Variants in ADAP1 observed in about 807,000 individuals in gnomAD.
The protein encoded by ADAP1 is arf-GAP with dual PH domain-containing protein 1.
In ADAP1, 31 loss-of-function variants were observed where a neutral mutation model predicts 54.9. The ratio of observed to expected loss-of-function variants is 0.56; its 90% CI spans 0.42 to 0.76. The LOEUF is 0.76. Among genes scored for constraint, ADAP1 ranks in the 30% least tolerant of loss-of-function variants. ADAP1 has a pLI of 0.00. For synonymous variants in ADAP1, 313 were observed against 202.6 expected (o/e 1.55, Z -4.63); for missense variants, 535 against 512.4 (o/e 1.04, Z -0.42).
chr7:922,295 G>A (rs948089485), intron 3 of ADAP1, among the ~76,000 whole-genome samples: 2 of 152,168 alleles, frequency 1.3e-5, no homozygotes, highest in African/African-American at 2.4e-5. Flanking sequence ...CAGGCTTCAA[G>A]GACCCCTAGG....
intron 7 of ADAP1, 94 bp from the exon 8 acceptor site, chr7:900,258 G>T: frequency 6.7e-7 from 1 of 1,490,660 alleles, no homozygotes; most frequent in Non-Finnish European, 9.3e-7. Context: ...CTCACCCCGG[G>T]CCACCAGGTC....
chr7:910,633 A>T (rs1045370602), intron 4 of ADAP1, among the ~76,000 whole-genome samples: 1 of 152,220 alleles, frequency 6.6e-6, no homozygotes. Context: ...CACCTCACGT[A>T]TGTGATTTAT....
At chr7:906,800 G>GT (rs1562915778) in intron 4 of ADAP1, among the ~76,000 whole-genome samples, 14,367 of 76,490 alleles carry the variant, frequency 0.19, 1,930 homozygotes, top group South Asian at 0.22. Context: ...ACGGGACAGG[G>GT]GACATGGGGG....
At position 920,111 on chromosome 7, in the gene ADAP1, G is replaced by A. The variant is rs980439878; in HGVS notation, c.306-61C>T. On this transcript the variant is annotated intron_variant, in intron 3 of 10. Transcript: ENST00000265846. This position sits in a 1 kb window ranked among gnomAD's most constrained non-coding sequence, Gnocchi z 4.5. ...GGCGGCCTCCGACCCAGCACACGCC[G>A]CTCTCTGGCCCGGACCCTGGACATC... The A allele has an allele frequency of 6.0e-6, 9 of 1,500,254 alleles. No individual in the cohort carries two copies. The highest frequency in any genetic ancestry group is 4.6e-6 in the Non-Finnish European group (5 of 1,097,476). The allele number at this position is 1,500,254 out of a possible 1,614,324, so 92.9% of individuals were successfully genotyped here. A position where few individuals can be genotyped will look rare whatever the true frequency, so the allele number is the denominator to read the frequency against.
rs1846396238 is a variant in ADAP1, at chr7:926,570, G to A, written c.288C>T (p.Pro96=). The A allele has an allele frequency of 6.5e-7, 1 of 1,540,212 alleles. No individual in the cohort carries two copies. The highest frequency in any genetic ancestry group is 8.7e-7 in the Non-Finnish European group (1 of 1,143,624). The part of the protein sequence containing the change: ...ESKVPSFYYR[P]TPSDCQLLRE... Reference sequence around the variant, plus strand: ...GTACTCACTGGCAGTCGGAGGGCGTGGGCCGGTAGTAGAAGGAGGGTACTT... The same window carrying A: ...GTACTCACTGGCAGTCGGAGGGCGTAGGCCGGTAGTAGAAGGAGGGTACTT... Residue 96 remains proline (P), a synonymous_variant, in exon 3 of 11, where the codon CCC becomes CCT. Coordinates refer to ENST00000265846, the MANE Select transcript of ADAP1 (RefSeq NM_006869.4). This position sits in a 1 kb window ranked among gnomAD's most constrained non-coding sequence, Gnocchi z 4.6.
chr7:950,134 C>T (rs747603427), intron 1 of ADAP1, among the ~76,000 whole-genome samples: 2 of 152,158 alleles, frequency 1.3e-5, no homozygotes, highest in Non-Finnish European at 1.5e-5. Flanking sequence ...TCCCAGCACT[C>T]GCCACAGCAT....
chr7:925,153 C>T (rs922230475), intron 3 of ADAP1, among the ~76,000 whole-genome samples: 1 of 152,028 alleles, frequency 6.6e-6, no homozygotes, highest in African/African-American at 2.4e-5. Flanking sequence ...ACGGGGGCCT[C>T]GTGACCCCAA....
intron 1 of ADAP1, among the ~76,000 whole-genome samples, chr7:942,818 G>GA (rs1338915194): frequency 4.2e-4 from 3 of 7,060 alleles, no homozygotes; most frequent in Non-Finnish European, 3.4e-4. Flanking sequence ...GGAGGAGGAA[G>GA]GGAGGAGGAG....
chr7:920,439 G>T lies in ADAP1; in HGVS notation c.306-389C>A, dbSNP rs10225609. ...AGTCACACGCCCCTGGGCCCTCCCC[G>T]ACCCTCCCCACCTCGTTGGACCGGA... On this transcript the variant is annotated intron_variant, in intron 3 of 10. Coordinates refer to ENST00000265846, the MANE Select transcript of ADAP1 (RefSeq NM_006869.4). The surrounding 1 kb of genome is among the most constrained non-coding windows in gnomAD (Gnocchi z 4.5). Among the ~76,000 whole-genome samples the T allele has an allele frequency of 2.1e-5, 1 of 47,804 alleles. No individual in the cohort carries two copies. Among genetic ancestry groups the T allele is most frequent in the Non-Finnish European group, 4.9e-5 (1 of 20,350 alleles). 31.4% of individuals were successfully genotyped at this position (47,804 alleles called of 152,430 possible).
At chr7:909,795 C>T (rs1845644783) in intron 4 of ADAP1, among the ~76,000 whole-genome samples, 1 of 152,188 alleles carries the variant, frequency 6.6e-6, no homozygotes, top group Non-Finnish European at 1.5e-5. Flanking sequence ...TATCAAACAG[C>T]TACCGCGTGC....
intron 4 of ADAP1, among the ~76,000 whole-genome samples, chr7:906,768 TGGGGGACAGG>T (rs1562915568): frequency 9.7e-4 from 24 of 24,706 alleles, no homozygotes; most frequent in Non-Finnish European, 1.3e-3. Flanking sequence ...ACAGGGGACA[TGGGGGACAGG>T]GGACACGGGG....
chr7:911,535 A>G (rs7799008), intron 4 of ADAP1, among the ~76,000 whole-genome samples: 58,650 of 140,364 alleles, frequency 0.42, 12,676 homozygotes, highest in East Asian at 0.54. Flanking sequence ...ATGCCAGGAA[A>G]GGGGCGGGGA....
rs746918574 is a variant in ADAP1 at position 898,281 on chromosome 7, C to T, written c.*640G>A. The stretch of plus-strand genomic sequence containing the variant: ...TTCAGACACCACTGTCGGCGAGCAC[C>T]GTGCTGGGCGCAGAGGCCACGTGTG... On this transcript the variant is annotated 3_prime_UTR_variant, in exon 11 of 11. Coordinates refer to ENST00000265846, the MANE Select transcript of ADAP1 (RefSeq NM_006869.4). 31 of 158,116 alleles carry T rather than the reference C, an allele frequency of 2.0e-4. No individual in the cohort carries two copies. Among genetic ancestry groups the T allele is most frequent in the Non-Finnish European group, 3.6e-4 (26 of 71,378 alleles). 9.8% of individuals were successfully genotyped at this position (158,116 alleles called of 1,614,324 possible).
Position 920,196 on chromosome 7 carries a change from G to A in ADAP1, c.306-146C>T, listed in dbSNP as rs528574554. On this transcript the variant is annotated intron_variant, in intron 3 of 10. Transcript: ENST00000265846. This position sits in a 1 kb window ranked among gnomAD's most constrained non-coding sequence, Gnocchi z 4.5. ...GCCGCCCCTCTGGGCACAAGATCCC[G>A]GAAGAAATGCAGGGTCAGCCTCCTG... The A allele has an allele frequency of 4.3e-5, 28 of 644,254 alleles. No homozygotes were observed. Among genetic ancestry groups the A allele is most frequent in the African/African-American group, 9.2e-5 (5 of 54,206 alleles). 39.9% of individuals were successfully genotyped at this position (644,254 alleles called of 1,614,324 possible). A position where few individuals can be genotyped will look rare whatever the true frequency, so the allele number is the denominator to read the frequency against.
At chr7:941,610 C>T (rs1013006797) in intron 1 of ADAP1, among the ~76,000 whole-genome samples, 11 of 152,168 alleles carry the variant, frequency 7.2e-5, no homozygotes, top group African/African-American at 2.7e-4. Flanking sequence ...ACATAGGACA[C>T]TGAAAACTAC....
intron 6 of ADAP1, chr7:903,852 A>G: frequency 2.6e-6 from 1 of 388,330 alleles, no homozygotes; most frequent in Non-Finnish European, 4.7e-6. Context: ...GTGGCCCCAG[A>G]GACAGCGTGG....
At chr7:906,779 GGAC>G (rs1209076335) in intron 4 of ADAP1, among the ~76,000 whole-genome samples, 2 of 42,890 alleles carry the variant, frequency 4.7e-5, no homozygotes, top group Non-Finnish European at 1.0e-4. Flanking sequence ...GGGGGACAGG[GGAC>G]ACGGGGGACG....
In ADAP1 at chr7:951,181, T is replaced by C. The variant is rs545285611; in HGVS notation, c.82+3215A>G. ...CGAGGTCAGGAGACGGAGACCATCCTGGCTAACATGGTGAAACCCCATCTC... is the reference window on the plus strand; with the variant it reads ...CGAGGTCAGGAGACGGAGACCATCCCGGCTAACATGGTGAAACCCCATCTC... On this transcript the variant is annotated intron_variant, in intron 1 of 10. Coordinates refer to ENST00000265846, the MANE Select transcript of ADAP1 (RefSeq NM_006869.4). Among the ~76,000 whole-genome samples, 88 of 152,138 alleles carry C rather than the reference T, an allele frequency of 5.8e-4. 1 individual carries two copies. In the South Asian group the frequency reaches 0.018, roughly 31 times the overall value.
At chr7:935,913 G>A (rs1389588966) in intron 1 of ADAP1, among the ~76,000 whole-genome samples, 1 of 152,218 alleles carries the variant, frequency 6.6e-6, no homozygotes, top group Non-Finnish European at 1.5e-5. Flanking sequence ...CCTCCTGGGT[G>A]ATGGGGCCAA....
Sources: allele counts gnomAD v4.1 joint callset (sites outside exome capture counted in the v4.1 genomes callset), GRCh38; gene constraint gnomAD v4.1.1; non-coding constraint Gnocchi (gnomAD v3.1); transcripts MANE v1.5; gene names NCBI Gene and HGNC (gene_info 2026-07-23, HGNC 2026-07-21).